The following THEM6 variants were observed in gnomAD, a reference collection of about 807,000 sequenced individuals.
THEM6 encodes the protein protein THEM6.
A neutral mutation model predicts 13.7 loss-of-function variants in THEM6; 10 were observed. The observed-to-expected ratio is 0.73, with a 90% CI of 0.45 to 1.24. The LOEUF is 1.24. Among genes scored for constraint, THEM6 ranks in the 50% most tolerant of loss-of-function variants. The pLI, the probability that THEM6 is intolerant of heterozygous loss-of-function variation, is 0.00. For missense variants in THEM6, 317 were observed against 312.6 expected, an observed-to-expected ratio of 1.01 and a Z score of -0.11; for synonymous variants, 161 against 156.0, an observed-to-expected ratio of 1.03 and a Z score of -0.24.
At position 142,727,316 on chromosome 8, in the gene THEM6, T is replaced by G. The variant is rs782748850; in HGVS notation, c.-31T>G. 175 of 1,458,928 alleles carry G rather than the reference T, an allele frequency of 1.2e-4. No homozygotes were observed. Among genetic ancestry groups the G allele is most frequent in the Non-Finnish European group, 1.4e-4 (161 of 1,115,716 alleles). The allele number at this position is 1,458,928 out of a possible 1,614,324, so 90.4% of individuals were successfully genotyped here. A position where few individuals can be genotyped will look rare whatever the true frequency, so the allele number is the denominator to read the frequency against. ...GGACACCGGCACCGGCGCCACGGAC[T>G]CCGCAGGACCCCGCGCCCGCCGCCG... On this transcript the variant is annotated 5_prime_UTR_variant, in exon 1 of 2. Coordinates refer to ENST00000336138, the MANE Select transcript of THEM6 (RefSeq NM_016647.3).
intron 1 of THEM6, chr8:142,735,029 TCACCCTGA>T: frequency 2.6e-6 from 1 of 381,128 alleles, no homozygotes; most frequent in Non-Finnish European, 4.9e-6. Flanking sequence ...CTGTCCCCTG[TCACCCTGA>T]GGCCTCTGGA....
intron 1 of THEM6, among the ~76,000 whole-genome samples, chr8:142,729,025 C>A (rs1413671933): frequency 2.0e-5 from 3 of 150,784 alleles, no homozygotes; most frequent in Non-Finnish European, 3.0e-5. Flanking sequence ...CTGCAACCTC[C>A]GCCTTCCGGG....
chr8:142,727,907 T>C, intron 1 of THEM6, 48 bp downstream of exon 1: 1 of 1,371,854 alleles, frequency 7.3e-7, no homozygotes. Context: ...TTGTGGGACC[T>C]CCGGGGGCTC....
chr8:142,730,522 C>T (rs1389650102), intron 1 of THEM6, among the ~76,000 whole-genome samples: 3 of 152,216 alleles, frequency 2.0e-5, no homozygotes, highest in African/African-American at 4.8e-5. Context: ...GGGGACACTG[C>T]GGCCCTGCCT....
chr8:142,729,040 C>A (rs991693931), intron 1 of THEM6, among the ~76,000 whole-genome samples: 1 of 147,890 alleles, frequency 6.8e-6, no homozygotes, highest in Non-Finnish European at 1.5e-5. Context: ...TCCGGGTTCA[C>A]GCCATTCTCC....
Position 142,727,515 on chromosome 8 carries a change from T to A in THEM6, c.169T>A (p.Ser57Thr), listed in dbSNP as rs1278920943. The change falls in exon 1 of 2, where the codon TCG becomes ACG. Residue 57 changes from serine to threonine, a missense_variant. Transcript: ENST00000336138. ...EQRFPGRVLP[S>T]DLDLLLHMNN... ...GCGCTTCCCGGGCCGCGTGCTGCCC[T>A]CGGACTTGGACCTGCTGCTGCACAT... 3.2e-6 allele frequency: 5 copies of A among 1,579,478 alleles called. No homozygotes were observed. In the African/African-American group the frequency reaches 6.9e-5, roughly 22 times the overall value.
rs1382723613 is a variant in THEM6 at position 142,732,198 on chromosome 8, ATATATATATT to A, written c.514-3126_514-3117del. Among the ~76,000 whole-genome samples, 970 of 102,008 alleles carry A rather than the reference ATATATATATT, an allele frequency of 9.5e-3. 36 individuals are homozygous for A. The highest frequency in any genetic ancestry group is 0.031 in the African/African-American group (789 of 25,138). 66.9% of individuals were successfully genotyped at this position (102,008 alleles called of 152,430 possible). On this transcript the variant is annotated intron_variant, in intron 1 of 1. Coordinates refer to ENST00000336138, the MANE Select transcript of THEM6 (RefSeq NM_016647.3). ...TATATATATATATATATATATATAT[ATATATATATT>A]TTAACTACTGGAGGTTTGTGTGAGG...
chr8:142,730,875 G>T (rs1815633264), intron 1 of THEM6, among the ~76,000 whole-genome samples: 2 of 151,838 alleles, frequency 1.3e-5, no homozygotes, highest in African/African-American at 4.8e-5. Context: ...CTCCTGAGTA[G>T]CTGGGACTAC....
intron 1 of THEM6, among the ~76,000 whole-genome samples, chr8:142,733,374 C>A (rs2130000351): frequency 6.6e-6 from 1 of 152,328 alleles, no homozygotes; most frequent in South Asian, 2.1e-4. Flanking sequence ...ATAATGTTAG[C>A]ACAGGTCTTT....
chr8:142,733,874 G>C (rs1014993056), intron 1 of THEM6, among the ~76,000 whole-genome samples: 5 of 152,186 alleles, frequency 3.3e-5, no homozygotes, highest in African/African-American at 1.2e-4. Context: ...CATCTGGAAG[G>C]GGGGCTTTCA....
At position 142,736,417 on chromosome 8, in the gene THEM6, C is replaced by G. The variant is rs1212564371; in HGVS notation, c.*978C>G. The G allele has an allele frequency of 6.6e-6, 1 of 152,426 alleles. No homozygotes were observed. Among genetic ancestry groups the G allele is most frequent in the East Asian group, 1.9e-4 (1 of 5,202 alleles). 9.4% of individuals were successfully genotyped at this position (152,426 alleles called of 1,614,324 possible). On this transcript the variant is annotated 3_prime_UTR_variant, in exon 2 of 2. Transcript: ENST00000336138. Reference sequence around the variant, plus strand: ...CCTCTATATTCAGCATGTTCCTTGTCAGCTGCTGGGCCGGCCCTGCCTTGC... The same window carrying G: ...CCTCTATATTCAGCATGTTCCTTGTGAGCTGCTGGGCCGGCCCTGCCTTGC...
In THEM6 at chr8:142,735,490, G is replaced by T; in HGVS notation, c.*51G>T. On this transcript the variant is annotated 3_prime_UTR_variant, in exon 2 of 2. Coordinates refer to ENST00000336138, the MANE Select transcript of THEM6 (RefSeq NM_016647.3). ...GGCCACCATCCTGGGCCTGGGGGCTGCCCACAGATGGGCAGTCTCAGCCAT... is the reference window on the plus strand; with the variant it reads ...GGCCACCATCCTGGGCCTGGGGGCTTCCCACAGATGGGCAGTCTCAGCCAT... 1 of 1,358,286 alleles carries T rather than the reference G, an allele frequency of 7.4e-7. No individual in the cohort carries two copies. 84.1% of individuals were successfully genotyped at this position (1,358,286 alleles called of 1,614,324 possible). A position where few individuals can be genotyped will look rare whatever the true frequency, so the allele number is the denominator to read the frequency against.
intron 1 of THEM6, 44 bp from the exon 2 acceptor site, chr8:142,735,282 G>A (rs1815732683): frequency 1.4e-6 from 2 of 1,435,522 alleles, no homozygotes; most frequent in Non-Finnish European, 1.9e-6. Context: ...CCAGAGGTGG[G>A]AAGGCCGTAG....
chr8:142,735,147 G>C, intron 1 of THEM6, 179 bp from the exon 2 acceptor site: 1 of 604,204 alleles, frequency 1.7e-6, no homozygotes. Flanking sequence ...GCGGGGCTGT[G>C]TCAAGGTGGG....
chr8:142,732,736 C>T (rs912019745), intron 1 of THEM6, among the ~76,000 whole-genome samples: 2 of 135,118 alleles, frequency 1.5e-5, no homozygotes, highest in Non-Finnish European at 3.1e-5. Context: ...TTCTGCATTG[C>T]TGAGAGTCCG....
intron 1 of THEM6, among the ~76,000 whole-genome samples, chr8:142,734,170 G>C (rs1489076312): frequency 6.6e-6 from 1 of 152,196 alleles, no homozygotes. Flanking sequence ...CTGGCCTATT[G>C]GAGGAAGTTC....
chr8:142,727,899 G>T (rs1310504210), intron 1 of THEM6, 40 bp downstream of exon 1: 1 of 1,377,766 alleles, frequency 7.3e-7, no homozygotes, highest in East Asian at 3.1e-5. Context: ...CACGGCCTTT[G>T]TGGGACCTCC....
At position 142,735,491 on chromosome 8, in the gene THEM6, C is replaced by A; in HGVS notation, c.*52C>A. On this transcript the variant is annotated 3_prime_UTR_variant, in exon 2 of 2. Transcript: ENST00000336138. ...GCCACCATCCTGGGCCTGGGGGCTG[C>A]CCACAGATGGGCAGTCTCAGCCATA... is the stretch of plus-strand genomic sequence containing the variant. 7.4e-7 allele frequency: 1 copy of A among 1,356,352 alleles called. No individual in the cohort carries two copies. Among genetic ancestry groups the A allele is most frequent in the Non-Finnish European group, 1.0e-6 (1 of 973,086 alleles). 84.0% of individuals were successfully genotyped at this position (1,356,352 alleles called of 1,614,324 possible).
In THEM6 at chr8:142,727,498, C is replaced by T. The variant is rs782219695; in HGVS notation, c.152C>T (p.Pro51Leu). 3.8e-6 allele frequency: 6 copies of T among 1,577,064 alleles called. No individual in the cohort carries two copies. The highest frequency in any genetic ancestry group is 1.7e-5 in the Admixed American group (1 of 58,190). Reference protein sequence around the residue: ...VRDLLAEQRFPGRVLPSDLDL... With the variant: ...VRDLLAEQRFLGRVLPSDLDL... ...GACCTGCTAGCTGAGCAGCGCTTCC[C>T]GGGCCGCGTGCTGCCCTCGGACTTG... Residue 51 changes from proline (P) to leucine (L), a missense_variant, in exon 1 of 2, where the codon CCG becomes CTG. Transcript: ENST00000336138.
Sources: allele counts gnomAD v4.1 joint callset (sites outside exome capture counted in the v4.1 genomes callset), GRCh38; gene constraint gnomAD v4.1.1; transcripts MANE v1.5; gene names NCBI Gene and HGNC (gene_info 2026-07-23, HGNC 2026-07-21).